Variants in DDX24 observed in about 807,000 individuals in gnomAD.
The protein encoded by DDX24 is ATP-dependent RNA helicase DDX24.
In DDX24, 24 loss-of-function variants were observed where a neutral mutation model predicts 68.9. The observed-to-expected ratio is 0.35, with a 90% CI of 0.25 to 0.49. DDX24 has a LOEUF of 0.49. Ranked by LOEUF, DDX24 falls within the 20% of genes least tolerant of loss-of-function variation. The pLI, the probability that DDX24 is intolerant of heterozygous loss-of-function variation, is 0.99. For synonymous variants in DDX24, 395 were observed against 385.2 expected, an observed-to-expected ratio of 1.03 and a Z score of -0.30; for missense variants, 989 against 1,039.0, an observed-to-expected ratio of 0.95 and a Z score of 0.66.
Position 94,062,618 on chromosome 14 carries a change from C to A in DDX24, c.722G>T (p.Ser241Ile), listed in dbSNP as rs1885621426. ...GATGGCAAAGGCAAGAGTTTTCCCA[C>A]TTCCTTAAAAGTAAAAAAACAAAAC... ...LDILGAAETG[S>I]GKTLAFAIPM... The change falls in exon 3 of 9, where the codon AGT becomes ATT. Residue 241 changes from serine (S) to isoleucine (I), a missense_variant. This residue lies in a region of DDX24 where 3 missense variants were observed against 16.0 expected (regional missense o/e 0.19). Transcript: ENST00000621632. 1 of 1,586,994 alleles carries A rather than the reference C, an allele frequency of 6.3e-7. No homozygotes were observed. The highest frequency in any genetic ancestry group is 1.2e-5 in the South Asian group (1 of 86,566).
intron 2 of DDX24, among the ~76,000 whole-genome samples, chr14:94,067,713 GA>G (rs1885732653): frequency 6.6e-6 from 1 of 152,146 alleles, no homozygotes; most frequent in Non-Finnish European, 1.5e-5. Flanking sequence ...CTTCAGCCAA[GA>G]ATTTTGTATC....
intron 7 of DDX24, among the ~76,000 whole-genome samples, chr14:94,053,818 A>AAAAAATT (rs1168915425): frequency 6.6e-6 from 1 of 152,178 alleles, no homozygotes; most frequent in Non-Finnish European, 1.5e-5. Context: ...CCGTCTCAAA[A>AAAAAATT]AAAAATTAAA....
intron 6 of DDX24, chr14:94,055,514 G>A (rs947968560): frequency 5.3e-5 from 17 of 322,564 alleles, no homozygotes; most frequent in African/African-American, 1.2e-4. Context: ...TGGGTTATAC[G>A]GTCTCTACTC....
chr14:94,054,845 C>T, intron 7 of DDX24, 151 bp downstream of exon 7: 3 of 932,688 alleles, frequency 3.2e-6, no homozygotes, highest in Non-Finnish European at 4.9e-6. Flanking sequence ...GTATGTTGCT[C>T]TCAATCCTTT....
At chr14:94,069,665 G>T (rs1232601569) in intron 2 of DDX24, among the ~76,000 whole-genome samples, 1 of 152,148 alleles carries the variant, frequency 6.6e-6, no homozygotes, top group Non-Finnish European at 1.5e-5. Flanking sequence ...AACCCACCAT[G>T]ATCAAGTGGG....
chr14:94,077,625 A>G (rs1885970859), intron 2 of DDX24, among the ~76,000 whole-genome samples: 1 of 152,222 alleles, frequency 6.6e-6, no homozygotes. Flanking sequence ...TCATCAACAT[A>G]AAGCACTTAA....
intron 2 of DDX24, among the ~76,000 whole-genome samples, chr14:94,072,233 G>T (rs1194767028): frequency 6.6e-6 from 1 of 152,172 alleles, no homozygotes; most frequent in African/African-American, 2.4e-5. Context: ...AGTAGATAAA[G>T]AAACTGTGGT....
chr14:94,052,634 C>T lies in DDX24; in HGVS notation c.2308+364G>A, dbSNP rs569970407. On this transcript the variant is annotated intron_variant, in intron 8 of 8. Transcript: ENST00000621632. Reference sequence around the variant, plus strand: ...CATGAAGTAGGTAGTTGACTACTTCCATTTTATGGAGGAGAAAGCTGAGAA... The same window carrying T: ...CATGAAGTAGGTAGTTGACTACTTCTATTTTATGGAGGAGAAAGCTGAGAA... Among the ~76,000 whole-genome samples the T allele has an allele frequency of 2.0e-5, 3 of 152,314 alleles. No homozygotes were observed. The South Asian group carries it at 6.2e-4, about 32-fold the overall frequency.
At position 94,078,444 on chromosome 14, in the gene DDX24, A is replaced by T. The variant is rs139366476; in HGVS notation, c.718+581T>A. Among the ~76,000 whole-genome samples, 1,449 of 152,314 alleles carry T rather than the reference A, an allele frequency of 9.5e-3. 26 individuals are homozygous for T. The highest frequency in any genetic ancestry group is 0.033 in the African/African-American group (1,379 of 41,576). On this transcript the variant is annotated intron_variant, in intron 2 of 8. Coordinates refer to ENST00000621632, the MANE Select transcript of DDX24 (RefSeq NM_020414.4). Reference sequence around the variant, plus strand: ...AAAGTCTCGCAGGAACCTCAAACACAGCATAGTCCTAACACTTCATAGCTG... The same window carrying T: ...AAAGTCTCGCAGGAACCTCAAACACTGCATAGTCCTAACACTTCATAGCTG...
Position 94,051,075 on chromosome 14 carries a change from G to A in DDX24, c.*116C>T, listed in dbSNP as rs1344860204. 7.8e-7 allele frequency: 1 copy of A among 1,288,482 alleles called. No individual in the cohort carries two copies. The highest frequency in any genetic ancestry group is 1.1e-6 in the Non-Finnish European group (1 of 950,276). The allele number at this position is 1,288,482 out of a possible 1,614,324, so 79.8% of individuals were successfully genotyped here. The stretch of plus-strand genomic sequence containing the variant: ...TCTCCCGCTATGGGTGTGAGTGGAA[G>A]AGAGGGAGACTTTTTTACCTGGGGT... On this transcript the variant is annotated 3_prime_UTR_variant, in exon 9 of 9. Coordinates refer to ENST00000621632, the MANE Select transcript of DDX24 (RefSeq NM_020414.4).
rs1367334177 is a variant in DDX24 at position 94,079,076 on chromosome 14, A to G, written c.667T>C (p.Leu223=). 1.9e-6 allele frequency: 3 copies of G among 1,614,048 alleles called. No homozygotes were observed. Residue 223 remains leucine (L), a synonymous_variant, in exon 2 of 9, where the codon TTG becomes CTG. Coordinates refer to ENST00000621632, the MANE Select transcript of DDX24 (RefSeq NM_020414.4). Reference sequence around the variant, plus strand: ...AGTTTGTCACGGATGGCAGGTGCCAAGGTCAGGGCTTGGATTGGTGTGGGT... The same window carrying G: ...AGTTTGTCACGGATGGCAGGTGCCAGGGTCAGGGCTTGGATTGGTGTGGGT... ...SAPTPIQALT[L]APAIRDKLDI...
In DDX24 at chr14:94,053,095, T is replaced by C. The variant is rs760848708; in HGVS notation, c.2211A>G (p.Lys737=). The change falls in exon 8 of 9, where the codon AAA becomes AAG. Residue 737 remains lysine (K), a synonymous_variant. Transcript: ENST00000621632. ...ERIRLARQIE[K]SEYRNFQACL... ...AAGCCTGGAAGTTCCGATACTCAGA[T>C]TTCTCAATCTGTCGAGCTAAACGGA... The C allele has an allele frequency of 5.6e-6, 9 of 1,614,224 alleles. No homozygotes were observed. Among genetic ancestry groups the C allele is most frequent in the Non-Finnish European group, 7.6e-6 (9 of 1,180,044 alleles).
chr14:94,055,412 G>T (rs1055557401), intron 6 of DDX24: 33 of 539,474 alleles, frequency 6.1e-5, no homozygotes, highest in African/African-American at 2.8e-4. Flanking sequence ...CCCTGACCCT[G>T]GTTCAGGTCC....
chr14:94,073,571 C>CA (rs140376666), intron 2 of DDX24, among the ~76,000 whole-genome samples: 5,981 of 150,178 alleles, frequency 0.04, 358 homozygotes, highest in African/African-American at 0.13. Context: ...CATTTTAGAA[C>CA]AAAAAAAAAT....
intron 2 of DDX24, among the ~76,000 whole-genome samples, chr14:94,075,236 C>T (rs1460864093): frequency 6.6e-6 from 1 of 152,160 alleles, no homozygotes; most frequent in Non-Finnish European, 1.5e-5. Context: ...AGGACTCATA[C>T]TACCTGATTT....
intron 2 of DDX24, among the ~76,000 whole-genome samples, chr14:94,068,065 T>G (rs544847292): frequency 8.5e-5 from 13 of 152,278 alleles, no homozygotes; most frequent in African/African-American, 2.9e-4. Flanking sequence ...GATAAAGAAC[T>G]GCAGAATGGA....
Position 94,049,463 on chromosome 14 carries a change from A to C in DDX24, c.*1728T>G, listed in dbSNP as rs1205057076. 1 of 152,162 alleles carries C rather than the reference A, an allele frequency of 6.6e-6. No individual in the cohort carries two copies. The highest frequency in any genetic ancestry group is 1.5e-5 in the Non-Finnish European group (1 of 68,052). The allele number at this position is 152,162 out of a possible 1,614,324, so 9.4% of individuals were successfully genotyped here. A position where few individuals can be genotyped will look rare whatever the true frequency, so the allele number is the denominator to read the frequency against. On this transcript the variant is annotated 3_prime_UTR_variant, in exon 9 of 9. Coordinates refer to ENST00000621632, the MANE Select transcript of DDX24 (RefSeq NM_020414.4). Reference sequence around the variant, plus strand: ...AGGCCATTCCTTGGCAACACTTCTGAGACTGAAGTAGTTTTCTGAACTTGT... The same window carrying C: ...AGGCCATTCCTTGGCAACACTTCTGCGACTGAAGTAGTTTTCTGAACTTGT...
chr14:94,079,121 T>G lies in DDX24; in HGVS notation c.622A>C (p.Ser208Arg). The change falls in exon 2 of 9, where the codon AGC becomes CGC. Residue 208 changes from serine (S) to arginine (R), a missense_variant. This residue lies in a region of DDX24 where 295 missense variants were observed against 263.0 expected (regional missense o/e 1.12). Coordinates refer to ENST00000621632, the MANE Select transcript of DDX24 (RefSeq NM_020414.4). ...GTGGGTGCAGAGAAGCCTAGAAAGCTGAGTGCTCGGAGAACCGGCCTGGGA... is the reference window on the plus strand; with the variant it reads ...GTGGGTGCAGAGAAGCCTAGAAAGCGGAGTGCTCGGAGAACCGGCCTGGGA... The part of the protein sequence containing the change: ...FVPRPVLRAL[S>R]FLGFSAPTPI... The G allele has an allele frequency of 6.2e-7, 1 of 1,614,208 alleles. No homozygotes were observed. Among genetic ancestry groups the G allele is most frequent in the Middle Eastern group, 1.6e-4 (1 of 6,062 alleles).
intron 2 of DDX24, among the ~76,000 whole-genome samples, chr14:94,074,024 C>G (rs1362052112): frequency 7.0e-6 from 1 of 143,606 alleles, no homozygotes; most frequent in African/African-American, 2.6e-5. Flanking sequence ...GCCTGGGCAA[C>G]AGACCGAGAC....
Sources: allele counts gnomAD v4.1 joint callset (sites outside exome capture counted in the v4.1 genomes callset), GRCh38; gene constraint gnomAD v4.1.1; regional missense constraint gnomAD v4.1.1; transcripts MANE v1.5; gene names NCBI Gene and HGNC (gene_info 2026-07-23, HGNC 2026-07-21).